CTBP2: variants seen among roughly 807,000 people sequenced by gnomAD.
The protein encoded by CTBP2 is C-terminal-binding protein 2.
Under a neutral mutation model 80.3 loss-of-function variants are expected in CTBP2, and 30 were observed. The ratio of observed to expected loss-of-function variants is 0.37; its 90% confidence interval spans 0.28 to 0.51. The LOEUF is 0.51. Ranked by LOEUF, CTBP2 falls within the 20% of genes least tolerant of loss-of-function variation. The probability of loss-of-function intolerance (pLI) is 0.93; values close to 1 mark genes in which losing one functional copy is unlikely to be tolerated. For missense variants in CTBP2, 1,212 were observed against 1,375.3 expected (o/e 0.88, Z 1.88); for synonymous variants, 594 against 587.4 (o/e 1.01, Z -0.16).
chr10:125,125,489 T>C (rs958496462), intron 1 of CTBP2, among the ~76,000 whole-genome samples: 1 of 152,230 alleles, frequency 6.6e-6, no homozygotes, highest in Admixed American at 6.5e-5. Flanking sequence ...AAGGAGGTAC[T>C]AAGCATCATT....
At chr10:125,082,564 C>T (rs1370089203) in intron 2 of CTBP2, among the ~76,000 whole-genome samples, 2 of 151,624 alleles carry the variant, frequency 1.3e-5, no homozygotes, top group Non-Finnish European at 2.9e-5. Flanking sequence ...CACACTGTAT[C>T]CATGATCATT....
chr10:125,099,201 G>C (rs1152684), intron 2 of CTBP2, among the ~76,000 whole-genome samples: 54,624 of 152,110 alleles, frequency 0.36, 12,806 homozygotes, highest in African/African-American at 0.66. Flanking sequence ...CAAATCTGAC[G>C]TCTGTTCTTG....
At chr10:125,116,254 C>G (rs1290947353) in intron 1 of CTBP2, among the ~76,000 whole-genome samples, 1 of 152,186 alleles carries the variant, frequency 6.6e-6, no homozygotes, top group African/African-American at 2.4e-5. Context: ...CCACGCCTCA[C>G]GTAGAGACGG....
rs1853877828 is a variant in CTBP2, at chr10:125,119,138, C to CG, written c.-205-8046_-205-8045insC. Among the ~76,000 whole-genome samples the CG allele has an allele frequency of 2.6e-5, 4 of 152,226 alleles. No individual in the cohort carries two copies. In the South Asian group the frequency reaches 8.3e-4, roughly 32 times the overall value. On this transcript the variant is annotated intron_variant, in intron 1 of 10. Coordinates refer to the CTBP2 transcript ENST00000337195. ...TAACAAGGGCCAGACTATATATTTA[C>CG]TATAGGCCCTACACAGGGCCAGAAG... is the stretch of plus-strand genomic sequence containing the variant.
intron 2 of CTBP2, among the ~76,000 whole-genome samples, chr10:125,095,055 A>G (rs1460215912): frequency 6.6e-6 from 1 of 152,122 alleles, no homozygotes; most frequent in East Asian, 1.9e-4. Context: ...GCTGACCCAC[A>G]GCCAAGTGTG....
Position 124,988,017 on chromosome 10 carries a change from A to T in CTBP2, c.*1501T>A, listed in dbSNP as rs948932409. On this transcript the variant is annotated 3_prime_UTR_variant, in exon 9 of 9. Transcript: ENST00000309035. ...CCCTCCCTTGAACCAGGTCCAGGTC[A>T]TTTTGCTTTGGGGTAGATTAAAGTC... 5.2e-5 allele frequency: 8 copies of T among 152,500 alleles called. No individual in the cohort carries two copies. Among genetic ancestry groups the T allele is most frequent in the African/African-American group, 1.9e-4 (8 of 41,398 alleles). The allele number at this position is 152,500 out of a possible 1,614,324, so 9.4% of individuals were successfully genotyped here.
At chr10:125,069,513 G>C (rs544311824) in intron 2 of CTBP2, among the ~76,000 whole-genome samples, 176 of 152,280 alleles carry the variant, frequency 1.2e-3, no homozygotes, top group African/African-American at 4.2e-3. Context: ...AGCTACTCAG[G>C]AGGCTGAGGC....
rs201493186 is a variant in CTBP2 at position 125,026,741 on chromosome 10, C to T, written c.1019G>A (p.Arg340His). The T allele has an allele frequency of 2.4e-5, 39 of 1,612,872 alleles. No homozygotes were observed. The East Asian group carries it at 4.7e-4, about 19-fold the overall frequency. Reference sequence around the variant, plus strand: ...GCTATTGGCCAGGCGGCTCAGAACACGGGCCTGGCCCAGGTTGGGTGCGAC... The same window carrying T: ...GCTATTGGCCAGGCGGCTCAGAACATGGGCCTGGCCCAGGTTGGGTGCGAC... Residue 340 changes from arginine (R) to histidine (H), a missense_variant, in exon 1 of 9, where the codon CGT becomes CAT. This residue lies in a region of CTBP2 where 848 missense variants were observed against 782.3 expected (regional missense o/e 1.08). Transcript: ENST00000309035.
intron 2 of CTBP2, among the ~76,000 whole-genome samples, chr10:125,092,713 G>T (rs1429207379): frequency 6.6e-6 from 1 of 152,152 alleles, no homozygotes; most frequent in Non-Finnish European, 1.5e-5. Context: ...ACGTCACCAG[G>T]CAGCAGGTGT....
chr10:125,089,652 T>TG (rs1848488117), intron 2 of CTBP2, among the ~76,000 whole-genome samples: 1 of 152,128 alleles, frequency 6.6e-6, no homozygotes, highest in Non-Finnish European at 1.5e-5. Context: ...CGAGAGCAGC[T>TG]GGGGAGAAAA....
chr10:125,040,993 A>C (rs1203413500), intron 2 of CTBP2, among the ~76,000 whole-genome samples: 1 of 152,260 alleles, frequency 6.6e-6, no homozygotes, highest in African/African-American at 2.4e-5. Flanking sequence ...ATATCGGATC[A>C]GTCAGGAGAT....
chr10:125,104,837 C>T (rs1271029832), intron 2 of CTBP2, among the ~76,000 whole-genome samples: 5 of 152,194 alleles, frequency 3.3e-5, no homozygotes, highest in African/African-American at 1.2e-4. Flanking sequence ...ATCAATAAAG[C>T]AAATGTGTTC....
chr10:125,161,070 G>GGGC (rs1387533632), upstream of CTBP2: 1 of 91,328 alleles, frequency 1.1e-5, no homozygotes, highest in Non-Finnish European at 2.1e-5. Flanking sequence ...CTGTTTTTGG[G>GGGC]GGGGGGGGGC....
At chr10:125,045,570 C>A (rs1346326979) in intron 2 of CTBP2, among the ~76,000 whole-genome samples, 1 of 152,106 alleles carries the variant, frequency 6.6e-6, no homozygotes, top group Non-Finnish European at 1.5e-5. Flanking sequence ...GGAATCTCAG[C>A]TGACTGCAAC....
At chr10:125,158,777 T>G (rs1861392568) in intron 1 of CTBP2, 2 of 147,244 alleles carry the variant, frequency 1.4e-5, no homozygotes, top group African/African-American at 2.5e-5. Flanking sequence ...TGCAGCCAAC[T>G]GCCGCTTGGG....
intron 2 of CTBP2, among the ~76,000 whole-genome samples, chr10:125,059,387 C>T (rs756732373): frequency 6.6e-6 from 1 of 152,048 alleles, no homozygotes; most frequent in African/African-American, 2.4e-5. Context: ...TCAACACCAA[C>T]CTGGCCAACA....
intron 4 of CTBP2, among the ~76,000 whole-genome samples, chr10:124,995,391 C>T (rs1953338865): frequency 6.6e-6 from 1 of 152,222 alleles, no homozygotes; most frequent in Non-Finnish European, 1.5e-5. Context: ...CCCATGGGGT[C>T]CCCCTCGATA....
chr10:125,124,444 A>G (rs1002069079), intron 1 of CTBP2, among the ~76,000 whole-genome samples: 3 of 134,888 alleles, frequency 2.2e-5, no homozygotes, highest in Non-Finnish European at 4.7e-5. Flanking sequence ...TCGACAATTT[A>G]CTATCTGTCA....
At chr10:125,130,452 G>T (rs553128604) in intron 1 of CTBP2, among the ~76,000 whole-genome samples, 1 of 152,216 alleles carries the variant, frequency 6.6e-6, no homozygotes, top group African/African-American at 2.4e-5. Flanking sequence ...GGTCCACTTG[G>T]AAACACGCTG....
Sources: gnomAD v4.1 joint callset for allele counts (sites outside exome capture counted in the v4.1 genomes callset) on GRCh38, gnomAD v4.1.1 for gene constraint, gnomAD v4.1.1 regional missense constraint, MANE v1.5 for transcripts, NCBI Gene and HGNC (gene_info 2026-07-23, HGNC 2026-07-21) for gene names.